Variants in BPIFB1 observed in about 807,000 individuals in gnomAD.
BPIFB1 encodes BPI fold containing family B member 1.
BPIFB1 carries 34 observed loss-of-function variants against 55.1 expected under a neutral mutation model. The ratio of observed to expected loss-of-function variants is 0.62; its 90% CI spans 0.47 to 0.82. The LOEUF is 0.82. Ranked by LOEUF, BPIFB1 falls within the 40% of genes least tolerant of loss-of-function variation. The pLI is 0.00. For synonymous variants in BPIFB1, 236 were observed against 245.3 expected (o/e 0.96, Z 0.35); for missense variants, 532 against 593.1 (o/e 0.90, Z 1.07).
Position 33,302,927 on chromosome 20 carries a change from G to A in BPIFB1, c.993G>A (p.Lys331=). Residue 331 remains lysine (K), a synonymous_variant, in exon 11 of 16, where the codon AAG becomes AAA. Transcript: ENST00000253354. ...TGATCTCCTTCCAGGCTGCAGATAAGCTGGGATCTACCCAGATCGTGAAGA... is the reference window on the plus strand; with the variant it reads ...TGATCTCCTTCCAGGCTGCAGATAAACTGGGATCTACCCAGATCGTGAAGA... The part of the protein sequence containing the change: ...IGLINEKAAD[K]LGSTQIVKIL... 1 of 1,614,102 alleles carries A rather than the reference G, an allele frequency of 6.2e-7. No homozygotes were observed. The highest frequency in any genetic ancestry group is 1.3e-5 in the African/African-American group (1 of 75,042).
intron 3 of BPIFB1, among the ~76,000 whole-genome samples, chr20:33,289,501 C>T (rs984636616): frequency 1.3e-5 from 2 of 152,008 alleles, no homozygotes; most frequent in Admixed American, 6.5e-5. Context: ...ACTCAATGCT[C>T]ACCAGGAGAC....
chr20:33,295,342 A>G (rs928015896), intron 6 of BPIFB1, among the ~76,000 whole-genome samples: 3 of 150,878 alleles, frequency 2.0e-5, no homozygotes, highest in African/African-American at 7.3e-5. Flanking sequence ...GTGGCGGCTC[A>G]CTCCTATAAT....
intron 13 of BPIFB1, 40 bp downstream of exon 13, chr20:33,304,931 G>A (rs369294313): frequency 9.8e-5 from 157 of 1,603,780 alleles, no homozygotes; most frequent in Non-Finnish European, 1.3e-4. Flanking sequence ...ACAGGGGGTG[G>A]CCTGGAATGG....
At chr20:33,291,201 G>A in intron 5 of BPIFB1, 95 bp downstream of exon 5, 1 of 1,466,588 alleles carries the variant, frequency 6.8e-7, no homozygotes, top group Non-Finnish European at 9.2e-7. Flanking sequence ...GAACGCTGAG[G>A]CCTAGAGAAA....
intron 2 of BPIFB1, among the ~76,000 whole-genome samples, chr20:33,287,529 G>T (rs1177490240): frequency 6.6e-6 from 1 of 152,216 alleles, no homozygotes; most frequent in African/African-American, 2.4e-5. Flanking sequence ...GATGGAGGGG[G>T]TAGCCAAGGA....
intron 6 of BPIFB1, among the ~76,000 whole-genome samples, chr20:33,294,317 G>T (rs549988402): frequency 4.2e-4 from 64 of 152,002 alleles, no homozygotes; most frequent in Admixed American, 1.4e-3. Context: ...GAGATGAGAA[G>T]GGAGGGAACC....
Position 33,283,236 on chromosome 20 carries a change from A to G in BPIFB1, c.-60A>G. ...CCCGGGAGAGGAGAGGAGCGGGCCG[A>G]GGACTCCAGCGTGCCCAGGTAAAAG... On this transcript the variant is annotated 5_prime_UTR_variant, in exon 1 of 16. Coordinates refer to ENST00000253354, the MANE Select transcript of BPIFB1 (RefSeq NM_033197.3). 6.5e-6 allele frequency: 1 copy of G among 153,354 alleles called. No homozygotes were observed. Among genetic ancestry groups the G allele is most frequent in the Non-Finnish European group, 1.5e-5 (1 of 68,882 alleles). 9.5% of individuals were successfully genotyped at this position (153,354 alleles called of 1,614,324 possible).
intron 7 of BPIFB1, among the ~76,000 whole-genome samples, chr20:33,297,983 C>T (rs1286850622): frequency 2.0e-5 from 3 of 152,168 alleles, no homozygotes; most frequent in African/African-American, 7.2e-5. Flanking sequence ...GTTCTGGGCA[C>T]ATAGCAGGTG....
chr20:33,289,819 A>C, intron 3 of BPIFB1, 66 bp from the exon 4 acceptor site: 1 of 1,445,170 alleles, frequency 6.9e-7, no homozygotes, highest in Non-Finnish European at 9.7e-7. Flanking sequence ...GAAAAGATAG[A>C]GAGGGAGTGG....
intron 1 of BPIFB1, among the ~76,000 whole-genome samples, chr20:33,284,871 TTCTC>T (rs200193317): frequency 6.6e-6 from 1 of 151,858 alleles, no homozygotes; most frequent in Non-Finnish European, 1.5e-5. Flanking sequence ...ACAGGGCCCT[TTCTC>T]TCTCTCTCTT....
intron 2 of BPIFB1, among the ~76,000 whole-genome samples, chr20:33,286,429 A>C (rs921013874): frequency 9.9e-5 from 15 of 152,234 alleles, no homozygotes; most frequent in Non-Finnish European, 1.9e-4. Flanking sequence ...CACAGCCTGC[A>C]GAAGGGGCAT....
At chr20:33,303,154 T>C in intron 11 of BPIFB1, 80 bp downstream of exon 11, 1 of 1,551,374 alleles carries the variant, frequency 6.4e-7, no homozygotes, top group Non-Finnish European at 8.8e-7. Flanking sequence ...TCTTGCTTTG[T>C]TAAACATTTC....
chr20:33,295,803 GGGAA>G (rs1208398590), intron 6 of BPIFB1, among the ~76,000 whole-genome samples: 1 of 140,580 alleles, frequency 7.1e-6, no homozygotes, highest in Non-Finnish European at 1.5e-5. Context: ...GGAAGGGGAA[GGGAA>G]GGAAGGAAAG....
rs377500545 is a variant in BPIFB1, at chr20:33,301,186, G to A, written c.748-47G>A. The A allele has an allele frequency of 1.1e-5, 18 of 1,570,608 alleles. 1 individual carries two copies. The African/African-American group carries it at 2.3e-4, about 20-fold the overall frequency. ...TTCCTTCTAGGTTGCTATTGGGTAA[G>A]CTGCAGAGTTAAAATTCTTAGCTGA... is the stretch of plus-strand genomic sequence containing the variant. On this transcript the variant is annotated intron_variant, in intron 8 of 15. Transcript: ENST00000253354.
At chr20:33,301,185 A>G (rs375199527) in intron 8 of BPIFB1, 48 bp from the exon 9 acceptor site, 3 of 1,567,612 alleles carry the variant, frequency 1.9e-6, no homozygotes, top group African/African-American at 1.4e-5. Context: ...CTATTGGGTA[A>G]GCTGCAGAGT....
rs1460385038 is a variant in BPIFB1 at position 33,301,374 on chromosome 20, C to T, written c.889C>T (p.Leu297Phe). Residue 297 changes from leucine to phenylalanine, a missense_variant, in exon 9 of 16, where the codon CTC becomes TTC. Coordinates refer to ENST00000253354, the MANE Select transcript of BPIFB1 (RefSeq NM_033197.3). ...GGTGAAAGCTGCAGTGGCTGCTGTG[C>T]TCTCTCCAGAAGAATTCATGGTCCT... The part of the protein sequence containing the change: ...DVVKAAVAAV[L>F]SPEEFMVLLD... 3.1e-6 allele frequency: 5 copies of T among 1,614,118 alleles called. No individual in the cohort carries two copies. The highest frequency in any genetic ancestry group is 4.2e-6 in the Non-Finnish European group (5 of 1,180,038).
At position 33,288,790 on chromosome 20, in the gene BPIFB1, G is replaced by T. The variant is rs779496486; in HGVS notation, c.165G>T (p.Gln55His). 1 of 1,613,968 alleles carries T rather than the reference G, an allele frequency of 6.2e-7. No individual in the cohort carries two copies. Among genetic ancestry groups the T allele is most frequent in the South Asian group, 1.1e-5 (1 of 91,078 alleles). Residue 55 changes from glutamine (Q) to histidine (H), a missense_variant, in exon 3 of 16, where the codon CAG becomes CAT. By Grantham distance (24) the Gln-to-His change is conservative (BLOSUM62 0). Transcript: ENST00000253354. Reference protein sequence around the residue: ...KDHNATSILQQLPLLSAMREK... With the variant: ...KDHNATSILQHLPLLSAMREK... ...ACAACGCCACCAGCATCCTGCAGCA[G>T]CTGCCGCTGCTCAGTGCCATGCGGG...
intron 3 of BPIFB1, 102 bp downstream of exon 3, chr20:33,288,984 G>A (rs1568646888): frequency 1.5e-6 from 2 of 1,346,510 alleles, no homozygotes; most frequent in South Asian, 3.0e-5. Flanking sequence ...ATCGACTTGT[G>A]TCAGATCACA....
chr20:33,308,786 CACATA>C (rs1401423511), intron 15 of BPIFB1, among the ~76,000 whole-genome samples: 4 of 148,970 alleles, frequency 2.7e-5, no homozygotes, highest in Admixed American at 6.7e-5. Context: ...TACACACACA[CACATA>C]ATACACACAC....
Sources: gnomAD v4.1 joint callset for allele counts (sites outside exome capture counted in the v4.1 genomes callset) on GRCh38, gnomAD v4.1.1 for gene constraint, MANE v1.5 for transcripts, NCBI Gene and HGNC (gene_info 2026-07-23, HGNC 2026-07-21) for gene names.